CSMD1: variants seen among roughly 807,000 people sequenced by gnomAD.
The protein encoded by CSMD1 is CUB and sushi domain-containing protein 1.
A neutral mutation model predicts 417.5 loss-of-function variants in CSMD1; 213 were observed. The observed-to-expected ratio is 0.51, with a 90% CI of 0.46 to 0.57. The LOEUF (loss-of-function observed/expected upper bound fraction) is 0.57. Among genes scored for constraint, CSMD1 ranks in the 20% least tolerant of loss-of-function variants. The probability of loss-of-function intolerance (pLI) is 0.00; values close to 1 mark genes in which losing one functional copy is unlikely to be tolerated. For synonymous variants in CSMD1, 2,862 were observed against 1,736.8 expected (o/e 1.65, Z -16.11); for missense variants, 6,923 against 4,529.7 (o/e 1.53, Z -15.17).
At chr8:4,988,454 G>A (rs1271760471) in intron 1 of CSMD1, among the ~76,000 whole-genome samples, 2 of 152,138 alleles carry the variant, frequency 1.3e-5, no homozygotes, top group Admixed American at 6.5e-5. Context: ...AAAAAAATAT[G>A]CCTGCATGAT....
chr8:4,186,474 G>C (rs1397005442), intron 3 of CSMD1, among the ~76,000 whole-genome samples: 1 of 151,808 alleles, frequency 6.6e-6, no homozygotes. Context: ...ATGCTAATAA[G>C]GAAAATAAAT....
chr8:3,292,430 T>C (rs1482717143), intron 25 of CSMD1, among the ~76,000 whole-genome samples: 1 of 152,192 alleles, frequency 6.6e-6, no homozygotes, highest in Non-Finnish European at 1.5e-5. Context: ...AGTGGGGTGT[T>C]AAAGTCTCCC....
At chr8:4,750,232 C>T (rs1156526807) in intron 1 of CSMD1, among the ~76,000 whole-genome samples, 2 of 151,864 alleles carry the variant, frequency 1.3e-5, no homozygotes, top group African/African-American at 4.9e-5. Context: ...TGGTCTCGAT[C>T]TCCCGACATT....
chr8:3,731,198 A>G (rs1372854952), intron 6 of CSMD1, among the ~76,000 whole-genome samples: 1 of 152,120 alleles, frequency 6.6e-6, no homozygotes, highest in African/African-American at 2.4e-5. Context: ...CTTACCCATT[A>G]AGCAGTTTCT....
At chr8:3,559,035 G>C (rs117989504) in intron 10 of CSMD1, among the ~76,000 whole-genome samples, 1 of 152,304 alleles carries the variant, frequency 6.6e-6, no homozygotes, top group East Asian at 1.9e-4. Flanking sequence ...TGAAAGATTG[G>C]TGACATGTAA....
At chr8:4,748,051 A>G (rs375419367) in intron 1 of CSMD1, among the ~76,000 whole-genome samples, 1 of 152,236 alleles carries the variant, frequency 6.6e-6, no homozygotes, top group Non-Finnish European at 1.5e-5. Flanking sequence ...AAATAAAAAC[A>G]GGGCACTCAG....
intron 12 of CSMD1, among the ~76,000 whole-genome samples, chr8:3,433,537 G>T (rs942434911): frequency 4.6e-5 from 7 of 152,040 alleles, no homozygotes; most frequent in African/African-American, 1.4e-4. Flanking sequence ...AATGACCATG[G>T]TTCTTTCGGA....
At chr8:3,115,088 A>T (rs958038361) in intron 42 of CSMD1, among the ~76,000 whole-genome samples, 2 of 152,158 alleles carry the variant, frequency 1.3e-5, no homozygotes, top group African/African-American at 4.8e-5. Flanking sequence ...AAAATATTTT[A>T]AATTGTTGAA....
chr8:3,634,190 G>C (rs1474945878), intron 7 of CSMD1, among the ~76,000 whole-genome samples: 1 of 152,168 alleles, frequency 6.6e-6, no homozygotes, highest in Non-Finnish European at 1.5e-5. Flanking sequence ...CGTTTACCTG[G>C]GGACCTTAGG....
chr8:4,719,861 G>A (rs890238221), intron 1 of CSMD1, among the ~76,000 whole-genome samples: 1 of 151,908 alleles, frequency 6.6e-6, no homozygotes, highest in Non-Finnish European at 1.5e-5. Context: ...ATAAAATATG[G>A]GAAAGGACTC....
intron 1 of CSMD1, among the ~76,000 whole-genome samples, chr8:4,825,497 G>T (rs560486650): frequency 7.9e-5 from 12 of 152,102 alleles, no homozygotes; most frequent in Middle Eastern, 3.4e-3. Context: ...AAGATCGCCC[G>T]ATTTTTCCTT....
At chr8:4,962,001 TTC>T (rs1159353750) in intron 1 of CSMD1, among the ~76,000 whole-genome samples, 1 of 152,030 alleles carries the variant, frequency 6.6e-6, no homozygotes, top group Non-Finnish European at 1.5e-5. Context: ...GATACAAAAT[TTC>T]TGTTATCTCT....
chr8:3,270,413 A>G (rs138119906), intron 26 of CSMD1, among the ~76,000 whole-genome samples: 1 of 152,280 alleles, frequency 6.6e-6, no homozygotes, highest in African/African-American at 2.4e-5. Flanking sequence ...AAGCAGTGAA[A>G]AAAAATGATC....
At chr8:3,229,952 T>C (rs1798735526) in intron 27 of CSMD1, 88 bp downstream of exon 27, 2 of 937,634 alleles carry the variant, frequency 2.1e-6, no homozygotes, top group South Asian at 2.2e-5. Flanking sequence ...GAAATATTTC[T>C]GAAGAAATAA....
chr8:4,094,007 T>TAGATAGAC lies in CSMD1; in HGVS notation c.416-61909_416-61908insGTCTATCT, dbSNP rs1554445870. ...ATAGATAGATAGATAGATAGATAGA[T>TAGATAGAC]AGATAAAGAAAAAAGACAAAGAAAA... On this transcript the variant is annotated intron_variant, in intron 3 of 69. Transcript: ENST00000635120. Among the ~76,000 whole-genome samples the TAGATAGAC allele has an allele frequency of 1.1e-3, 159 of 151,062 alleles. 1 individual carries two copies. Among genetic ancestry groups the TAGATAGAC allele is most frequent in the Non-Finnish European group, 8.1e-4 (55 of 67,804 alleles).
chr8:3,460,660 C>A (rs6981833), intron 12 of CSMD1, among the ~76,000 whole-genome samples: 20,485 of 151,934 alleles, frequency 0.13, 1,649 homozygotes, highest in African/African-American at 0.22. Flanking sequence ...CGGAACTGAC[C>A]GAAATTCGTG....
intron 41 of CSMD1, among the ~76,000 whole-genome samples, chr8:3,126,845 C>A (rs778935332): frequency 6.6e-6 from 1 of 152,112 alleles, no homozygotes; most frequent in African/African-American, 2.4e-5. Flanking sequence ...TTCGGGAGGA[C>A]CAGCCTGCAC....
intron 16 of CSMD1, among the ~76,000 whole-genome samples, 191 bp from the exon 17 acceptor site, chr8:3,396,572 C>A (rs1304801387): frequency 1.3e-5 from 2 of 152,082 alleles, no homozygotes; most frequent in Non-Finnish European, 2.9e-5. Context: ...GACGGCACAG[C>A]TTAAATCCCT....
At chr8:4,289,512 A>AGTATGAG (rs1797243672) in intron 3 of CSMD1, among the ~76,000 whole-genome samples, 1 of 152,188 alleles carries the variant, frequency 6.6e-6, no homozygotes, top group Admixed American at 6.5e-5. Context: ...GTCCACTGTC[A>AGTATGAG]GTATGAGCAA....
Sources: allele counts gnomAD v4.1 joint callset (sites outside exome capture counted in the v4.1 genomes callset), GRCh38; gene constraint gnomAD v4.1.1; transcripts MANE v1.5; gene names NCBI Gene and HGNC (gene_info 2026-07-23, HGNC 2026-07-21).